NBEA: variants seen among roughly 807,000 people sequenced by gnomAD.
NBEA encodes lysosomal-trafficking regulator 2.
In NBEA, 44 loss-of-function variants were observed where a neutral mutation model predicts 343.4. That is an observed-to-expected ratio of 0.13 (90% CI 0.10 to 0.16). The LOEUF is 0.16. Ranked by LOEUF, NBEA falls within the 10% of genes least tolerant of loss-of-function variation. The pLI is 1.00. For missense variants in NBEA, 2,555 were observed against 3,631.3 expected, an observed-to-expected ratio of 0.70 and a Z score of 7.62; for synonymous variants, 1,175 against 1,238.7, an observed-to-expected ratio of 0.95 and a Z score of 1.08.
At chr13:35,517,065 T>A (rs963649503) in intron 41 of NBEA, among the ~76,000 whole-genome samples, 6 of 152,192 alleles carry the variant, frequency 3.9e-5, no homozygotes, top group African/African-American at 1.4e-4. Flanking sequence ...TTTACATCTA[T>A]CCCATGTTTT....
intron 45 of NBEA, among the ~76,000 whole-genome samples, chr13:35,574,940 G>A (rs1357967174): frequency 1.3e-5 from 2 of 151,922 alleles, no homozygotes; most frequent in African/African-American, 2.4e-5. Flanking sequence ...AGTAAAGATG[G>A]GGTTTCACCA....
intron 1 of NBEA, among the ~76,000 whole-genome samples, chr13:34,945,498 TA>T (rs1468662211): frequency 6.6e-6 from 1 of 152,076 alleles, no homozygotes; most frequent in African/African-American, 2.4e-5. Flanking sequence ...AGTAAACCAA[TA>T]AAATTCATAT....
chr13:35,338,913 A>C (rs2039425122), intron 36 of NBEA, among the ~76,000 whole-genome samples: 1 of 152,136 alleles, frequency 6.6e-6, no homozygotes, highest in Admixed American at 6.6e-5. Context: ...ATCACATCTT[A>C]ATAGATAAAA....
intron 24 of NBEA, among the ~76,000 whole-genome samples, chr13:35,167,969 C>G (rs1346677943): frequency 1.3e-5 from 2 of 151,766 alleles, no homozygotes; most frequent in Non-Finnish European, 3.0e-5. Context: ...ACTGACATTT[C>G]TAGCTCTCCT....
chr13:35,636,077 T>C (rs2083678216), intron 49 of NBEA, among the ~76,000 whole-genome samples: 1 of 152,246 alleles, frequency 6.6e-6, no homozygotes, highest in Non-Finnish European at 1.5e-5. Context: ...TGCAGCCTGC[T>C]GTTTATAATA....
chr13:35,591,094 T>C (rs775611976), intron 46 of NBEA, among the ~76,000 whole-genome samples: 4 of 152,104 alleles, frequency 2.6e-5, no homozygotes, highest in Admixed American at 6.6e-5. Context: ...AAGCTTTCTC[T>C]ATGTTATTTC....
intron 41 of NBEA, among the ~76,000 whole-genome samples, chr13:35,503,119 A>C (rs1241818467): frequency 6.6e-6 from 1 of 152,022 alleles, no homozygotes; most frequent in Admixed American, 6.6e-5. Context: ...TTTATCAATC[A>C]GTCTTTATTT....
chr13:35,222,624 T>A (rs1292376670), intron 33 of NBEA, among the ~76,000 whole-genome samples: 1 of 152,152 alleles, frequency 6.6e-6, no homozygotes, highest in Non-Finnish European at 1.5e-5. Context: ...CAAACATTTT[T>A]AAAATGCTTA....
chr13:35,145,788 A>G (rs2068380393), intron 18 of NBEA, among the ~76,000 whole-genome samples: 1 of 152,212 alleles, frequency 6.6e-6, no homozygotes, highest in East Asian at 1.9e-4. Context: ...TTGGCACTTT[A>G]GGATGTAAGG....
At chr13:35,582,393 T>A (rs2081094984) in intron 45 of NBEA, among the ~76,000 whole-genome samples, 1 of 152,214 alleles carries the variant, frequency 6.6e-6, no homozygotes, top group Non-Finnish European at 1.5e-5. Flanking sequence ...TTACCAATAA[T>A]GTAATTATGT....
chr13:35,103,194 A>G (rs1412963707), intron 11 of NBEA, among the ~76,000 whole-genome samples: 1 of 151,610 alleles, frequency 6.6e-6, no homozygotes, highest in Non-Finnish European at 1.5e-5. Flanking sequence ...AACCTTCCTT[A>G]TATTCCTGGA....
intron 8 of NBEA, among the ~76,000 whole-genome samples, chr13:35,065,048 A>G (rs968912664): frequency 7.9e-5 from 12 of 151,214 alleles, no homozygotes; most frequent in African/African-American, 2.9e-4. Context: ...TCATAGTTCT[A>G]TAAGTACCTG....
At chr13:35,405,365 ATGCTGC>A (rs1208531017) in intron 38 of NBEA, among the ~76,000 whole-genome samples, 1 of 152,098 alleles carries the variant, frequency 6.6e-6, no homozygotes. Context: ...AGACTGTCTC[ATGCTGC>A]TGCTGCTGCT....
At chr13:35,015,047 C>T (rs1401440663) in intron 1 of NBEA, among the ~76,000 whole-genome samples, 1 of 150,232 alleles carries the variant, frequency 6.7e-6, no homozygotes, top group East Asian at 2.0e-4. Flanking sequence ...CAGCACTGAC[C>T]CCAGAGCCCC....
At chr13:35,531,466 A>G (rs2078260027) in intron 41 of NBEA, among the ~76,000 whole-genome samples, 1 of 152,224 alleles carries the variant, frequency 6.6e-6, no homozygotes, top group Admixed American at 6.5e-5. Context: ...ACAAAATATA[A>G]TAATGTTTGT....
chr13:34,947,951 G>A (rs1436806207), intron 1 of NBEA, among the ~76,000 whole-genome samples: 1 of 152,110 alleles, frequency 6.6e-6, no homozygotes, highest in Non-Finnish European at 1.5e-5. Flanking sequence ...TTTTGAACTG[G>A]CATCTGTTAG....
intron 45 of NBEA, among the ~76,000 whole-genome samples, chr13:35,582,854 C>T (rs1393172887): frequency 2.0e-5 from 3 of 152,124 alleles, no homozygotes; most frequent in African/African-American, 7.2e-5. Flanking sequence ...ATGAATCTTC[C>T]TCTCTTGTGT....
At chr13:35,214,286 A>G (rs2073947077) in intron 33 of NBEA, among the ~76,000 whole-genome samples, 1 of 151,984 alleles carries the variant, frequency 6.6e-6, no homozygotes, top group Non-Finnish European at 1.5e-5. Context: ...GTGGTTGGAT[A>G]GTAAGTGTAT....
At chr13:35,239,475 T>C (rs772234383) in intron 34 of NBEA, among the ~76,000 whole-genome samples, 38 of 152,158 alleles carry the variant, frequency 2.5e-4, no homozygotes, top group Non-Finnish European at 2.8e-4. Context: ...AAAACTGTTA[T>C]GTAATGTTGG....
Sources: allele counts gnomAD v4.1 joint callset (sites outside exome capture counted in the v4.1 genomes callset), GRCh38; gene constraint gnomAD v4.1.1; transcripts MANE v1.5; gene names NCBI Gene and HGNC (gene_info 2026-07-23, HGNC 2026-07-21).